Variants in MTHFD1L observed in about 807,000 individuals in gnomAD.
The protein encoded by MTHFD1L is methylenetetrahydrofolate dehydrogenase (NADP+ dependent) 1 like.
MTHFD1L carries 81 observed loss-of-function variants against 119.5 expected under a neutral mutation model. That is an observed-to-expected ratio of 0.68 (90% CI 0.57 to 0.82). The LOEUF (loss-of-function observed/expected upper bound fraction) is 0.82, where lower values mean the gene tolerates loss of function less well. Ranked by LOEUF, MTHFD1L falls within the 40% of genes least tolerant of loss-of-function variation. The pLI is 0.00. For synonymous variants in MTHFD1L, 430 were observed against 475.2 expected (o/e 0.90, Z 1.24); for missense variants, 1,125 against 1,253.4 (o/e 0.90, Z 1.55).
At chr6:151,025,821 C>T (rs1490617419) in intron 24 of MTHFD1L, among the ~76,000 whole-genome samples, 1 of 152,152 alleles carries the variant, frequency 6.6e-6, no homozygotes, top group Non-Finnish European at 1.5e-5. Flanking sequence ...AGTGGGGCCT[C>T]ATTAAGAGAT....
In MTHFD1L at chr6:151,045,299, C is replaced by T. The variant is rs113339447; in HGVS notation, c.2847+8182C>T. On this transcript the variant is annotated intron_variant, in intron 26 of 27. Transcript: ENST00000367321. The stretch of plus-strand genomic sequence containing the variant: ...ATGTGTAAGCAGTAATGTAGTCATG[C>T]GCTCCCCATGATGTGAGAGCGTGCA... 5.6e-4 allele frequency among the ~76,000 whole-genome samples: 85 copies of T among 152,210 alleles called. 1 individual carries two copies. Among genetic ancestry groups the T allele is most frequent in the African/African-American group, 1.6e-3 (66 of 41,526 alleles).
At chr6:151,045,182 CA>C (rs1320608079) in intron 26 of MTHFD1L, among the ~76,000 whole-genome samples, 2 of 152,152 alleles carry the variant, frequency 1.3e-5, no homozygotes, top group Non-Finnish European at 2.9e-5. Context: ...AGGTTTAAAT[CA>C]AATGCATGAC....
intron 19 of MTHFD1L, among the ~76,000 whole-genome samples, chr6:150,966,097 T>G (rs1209565382): frequency 6.6e-6 from 1 of 152,136 alleles, no homozygotes; most frequent in Non-Finnish European, 1.5e-5. Flanking sequence ...GTTTTGCAAT[T>G]TCAGACAGCA....
In MTHFD1L at chr6:151,056,910, G is replaced by A. The variant is rs143820640; in HGVS notation, c.2847+19793G>A. Among the ~76,000 whole-genome samples, 13 of 152,252 alleles carry A rather than the reference G, an allele frequency of 8.5e-5. No homozygotes were observed. The East Asian group carries it at 2.5e-3, about 29-fold the overall frequency. ...TTGGCACACAGTGGGTTCCAGTTGT[G>A]GAATGAATTTTTTTCAGTCCTGACA... On this transcript the variant is annotated intron_variant, in intron 26 of 27. Transcript: ENST00000367321.
intron 7 of MTHFD1L, among the ~76,000 whole-genome samples, chr6:150,891,529 AAT>A (rs1491532578): frequency 6.8e-6 from 1 of 147,932 alleles, no homozygotes; most frequent in Non-Finnish European, 1.5e-5. Context: ...GATTATATAT[AAT>A]ATATATTATA....
chr6:151,000,028 G>A (rs1168631698), intron 20 of MTHFD1L, among the ~76,000 whole-genome samples: 2 of 152,130 alleles, frequency 1.3e-5, no homozygotes, highest in Non-Finnish European at 1.5e-5. Flanking sequence ...AAGGAAGAAG[G>A]GCATGTGCTA....
At chr6:150,977,567 A>G (rs1452879121) in intron 20 of MTHFD1L, among the ~76,000 whole-genome samples, 1 of 152,226 alleles carries the variant, frequency 6.6e-6, no homozygotes, top group African/African-American at 2.4e-5. Flanking sequence ...AAATAAAGCA[A>G]AAGGAAAGAA....
At chr6:151,028,363 G>A (rs1464326707) in intron 24 of MTHFD1L, among the ~76,000 whole-genome samples, 1 of 152,154 alleles carries the variant, frequency 6.6e-6, no homozygotes, top group Non-Finnish European at 1.5e-5. Context: ...ACTCAAGCAG[G>A]TACTCATGCA....
chr6:150,881,788 G>C (rs1319702531), intron 4 of MTHFD1L, among the ~76,000 whole-genome samples: 3 of 152,156 alleles, frequency 2.0e-5, no homozygotes, highest in Non-Finnish European at 4.4e-5. Flanking sequence ...ACTTAGAACT[G>C]ATACAGAGTA....
intron 26 of MTHFD1L, among the ~76,000 whole-genome samples, chr6:151,055,352 A>G (rs1789718442): frequency 1.3e-5 from 2 of 152,108 alleles, no homozygotes; most frequent in Admixed American, 1.3e-4. Flanking sequence ...GTATTAACTC[A>G]TTAATGCCCC....
In MTHFD1L at chr6:150,880,901, C is replaced by G. The variant is rs544972934; in HGVS notation, c.418-1861C>G. Among the ~76,000 whole-genome samples, 13 of 152,232 alleles carry G rather than the reference C, an allele frequency of 8.5e-5. No homozygotes were observed. In the East Asian group the frequency reaches 1.7e-3, roughly 20 times the overall value. ...CATTTGTATGTCCTTTGGGAGATGT[C>G]TGTTCACGTCTTTTGCACATTTTTT... On this transcript the variant is annotated intron_variant, in intron 4 of 27. Transcript: ENST00000367321.
intron 5 of MTHFD1L, among the ~76,000 whole-genome samples, chr6:150,884,141 A>ATTTT (rs55821340): frequency 2.3e-5 from 3 of 130,636 alleles, no homozygotes; most frequent in Non-Finnish European, 4.9e-5. Context: ...CCTCATCTCT[A>ATTTT]TTTTTTTTTT....
rs772477136 is a variant in MTHFD1L, at chr6:150,898,823, G to A, written c.781-6827G>A. 1.2e-4 allele frequency: 44 copies of A among 360,004 alleles called. 2 individuals carry two copies. The highest frequency in any genetic ancestry group is 9.6e-4 in the South Asian group (44 of 45,876). 22.3% of individuals were successfully genotyped at this position (360,004 alleles called of 1,614,324 possible). ...ATTTTATGTTTTTCCTAAAGTATAG[G>A]GAAGATTATTATTATTATTATTATT... On this transcript the variant is annotated intron_variant, in intron 7 of 27. Coordinates refer to ENST00000367321, the MANE Select transcript of MTHFD1L (RefSeq NM_015440.5).
chr6:150,910,831 C>A (rs1786761530), intron 8 of MTHFD1L, among the ~76,000 whole-genome samples: 1 of 152,072 alleles, frequency 6.6e-6, no homozygotes, highest in Non-Finnish European at 1.5e-5. Flanking sequence ...TCCATCTTGG[C>A]ACAATATACA....
At chr6:151,063,126 A>T (rs1431872975) in intron 26 of MTHFD1L, among the ~76,000 whole-genome samples, 5 of 152,144 alleles carry the variant, frequency 3.3e-5, no homozygotes, top group African/African-American at 7.2e-5. Context: ...TAAAGAACTG[A>T]CTTTCCTTGA....
At chr6:150,932,815 G>A (rs1317551381) in intron 11 of MTHFD1L, among the ~76,000 whole-genome samples, 7 of 134,904 alleles carry the variant, frequency 5.2e-5, no homozygotes, top group Non-Finnish European at 1.1e-4. Context: ...AGAGAGGGAG[G>A]GAGGAAGGAA....
chr6:151,053,377 A>G (rs1271465977), intron 26 of MTHFD1L, among the ~76,000 whole-genome samples: 1 of 152,196 alleles, frequency 6.6e-6, no homozygotes, highest in African/African-American at 2.4e-5. Context: ...TTAGCATCCA[A>G]GAGAAGTGTA....
intron 9 of MTHFD1L, among the ~76,000 whole-genome samples, chr6:150,920,162 C>T (rs1788656012): frequency 6.6e-6 from 1 of 152,198 alleles, no homozygotes; most frequent in Non-Finnish European, 1.5e-5. Context: ...GGGCTCTAAC[C>T]TCATGTGCCG....
intron 17 of MTHFD1L, 80 bp downstream of exon 17, chr6:150,956,151 C>T (rs1795615341): frequency 7.2e-7 from 1 of 1,396,218 alleles, no homozygotes; most frequent in South Asian, 1.2e-5. Context: ...CTTTGCCTTT[C>T]TTGTCTCATC....
Sources: gnomAD v4.1 joint callset for allele counts (sites outside exome capture counted in the v4.1 genomes callset) on GRCh38, gnomAD v4.1.1 for gene constraint, MANE v1.5 for transcripts, NCBI Gene and HGNC (gene_info 2026-07-23, HGNC 2026-07-21) for gene names.